Variants in BLTP1 observed in about 807,000 individuals in gnomAD.
BLTP1 encodes fragile site-associated protein.
the BLTP1 span, chr4:122,190,191 G>A: frequency 7.4e-7 from 1 of 1,351,756 alleles, no homozygotes; most frequent in Non-Finnish European, 1.0e-6. Context: ...TGACCTTCCA[G>A]GCTCAAACAA....
chr4:122,286,836 G>A, the BLTP1 span: 1 of 1,460,018 alleles, frequency 6.8e-7, no homozygotes, highest in Admixed American at 2.0e-5. Flanking sequence ...GAGTCTTCAA[G>A]ATTTATATGT....
the BLTP1 span, among the ~76,000 whole-genome samples, chr4:122,180,261 G>T: frequency 6.6e-6 from 1 of 152,072 alleles, no homozygotes; most frequent in South Asian, 2.1e-4. Context: ...TATAAAATGA[G>T]AACACCTCTA....
the BLTP1 span, chr4:122,308,300 C>T: frequency 2.4e-5 from 22 of 908,802 alleles, no homozygotes; most frequent in African/African-American, 2.7e-4. Context: ...AGATTGAATT[C>T]CTTCAACCAT....
the BLTP1 span, chr4:122,274,396 G>A: frequency 1.9e-5 from 31 of 1,605,806 alleles, no homozygotes; most frequent in Admixed American, 2.2e-4. Context: ...TATTGGTGGG[G>A]TTAATATTGT....
the BLTP1 span, chr4:122,224,704 G>A: frequency 6.2e-7 from 1 of 1,613,808 alleles, no homozygotes. Context: ...ACTATCTCCT[G>A]ACTTATTTTC....
At chr4:122,205,571 CCT>C in the BLTP1 span, among the ~76,000 whole-genome samples, 6,499 of 98,088 alleles carry the variant, frequency 0.066, 657 homozygotes, top group African/African-American at 0.22. Flanking sequence ...CAATTGTTTC[CCT>C]CTCTCTCTCT....
At chr4:122,220,573 T>C in the BLTP1 span, 1 of 946,004 alleles carries the variant, frequency 1.1e-6, no homozygotes, top group South Asian at 1.6e-5. Context: ...TGTAGCTCTT[T>C]AAGTTGGAGA....
chr4:122,200,173 A>G, the BLTP1 span: 1 of 919,136 alleles, frequency 1.1e-6, no homozygotes, highest in Non-Finnish European at 1.3e-6. Context: ...AATACTATAA[A>G]TATACCTTAA....
chr4:122,285,874 T>C, the BLTP1 span, among the ~76,000 whole-genome samples: 1 of 152,198 alleles, frequency 6.6e-6, no homozygotes, highest in African/African-American at 2.4e-5. Context: ...GTTGGAGAAA[T>C]ATGGACTGAA....
At chr4:122,334,242 G>A in the BLTP1 span, 1 of 1,094,116 alleles carries the variant, frequency 9.1e-7, no homozygotes, top group Non-Finnish European at 1.3e-6. Flanking sequence ...AGTTAAAACA[G>A]TCTTCTGACT....
At chr4:122,359,117 T>G in the BLTP1 span, among the ~76,000 whole-genome samples, 1 of 151,140 alleles carries the variant, frequency 6.6e-6, no homozygotes, top group Non-Finnish European at 1.5e-5. Flanking sequence ...GGGATAGCAT[T>G]AGGAGATATA....
chr4:122,326,744 G>A, the BLTP1 span, among the ~76,000 whole-genome samples: 1 of 151,716 alleles, frequency 6.6e-6, no homozygotes, highest in South Asian at 2.1e-4. Context: ...ATAGCTATGA[G>A]ATTAAATATT....
At chr4:122,340,628 G>C in the BLTP1 span, 54 of 630,462 alleles carry the variant, frequency 8.6e-5, no homozygotes, top group African/African-American at 1.0e-3. Context: ...GTGAATCTTT[G>C]AAAGTTTTCA....
At chr4:122,362,427 T>C in the BLTP1 span, 5 of 473,078 alleles carry the variant, frequency 1.1e-5, no homozygotes, top group Non-Finnish European at 1.8e-5. Context: ...AAGTATTGCA[T>C]GATAATGTAA....
the BLTP1 span, among the ~76,000 whole-genome samples, chr4:122,327,044 C>T: frequency 6.6e-6 from 1 of 151,796 alleles, no homozygotes; most frequent in South Asian, 2.1e-4. Context: ...CTTATTACTG[C>T]TCAAGTAACT....
chr4:122,344,510 T>A, the BLTP1 span: 1 of 1,613,778 alleles, frequency 6.2e-7, no homozygotes, highest in Non-Finnish European at 8.5e-7. Context: ...TGAAAGTCAG[T>A]CTGTAAGCAA....
the BLTP1 span, among the ~76,000 whole-genome samples, chr4:122,177,465 T>C: frequency 6.6e-6 from 1 of 152,218 alleles, no homozygotes; most frequent in Non-Finnish European, 1.5e-5. Context: ...TATTCCTCTC[T>C]CTTCCCAGAT....
chr4:122,325,969 G>GAGGA, the BLTP1 span: 2 of 468,832 alleles, frequency 4.3e-6, no homozygotes, highest in East Asian at 1.5e-4. Context: ...CAACCACACT[G>GAGGA]AAAATCTACT....
At chr4:122,347,128 G>C in the BLTP1 span, 1 of 984,516 alleles carries the variant, frequency 1.0e-6, no homozygotes, top group Non-Finnish European at 1.2e-6. Context: ...GGTTAGCGAA[G>C]CATGGGAAAC....
Sources: allele counts gnomAD v4.1 joint callset (sites outside exome capture counted in the v4.1 genomes callset), GRCh38; gene constraint gnomAD v4.1.1; transcripts MANE v1.5; gene names NCBI Gene and HGNC (gene_info 2026-07-23, HGNC 2026-07-21).